The following FBXL13 variants were observed in gnomAD, a reference collection of about 807,000 sequenced individuals.
The protein encoded by FBXL13 is F-box and leucine rich repeat protein 13.
A neutral mutation model predicts 83.6 loss-of-function variants in FBXL13; 67 were observed. The observed-to-expected ratio is 0.80, with a 90% CI of 0.66 to 0.98. FBXL13 has a LOEUF of 0.98. Among genes scored for constraint, FBXL13 ranks in the 50% least tolerant of loss-of-function variants. The pLI, the probability that FBXL13 is intolerant of heterozygous loss-of-function variation, is 0.00. For synonymous variants in FBXL13, 272 were observed against 299.5 expected (o/e 0.91, Z 0.95); for missense variants, 822 against 866.5 (o/e 0.95, Z 0.64).
rs75538483 is a variant in FBXL13 at position 103,005,915 on chromosome 7, C to T, written c.495+19148G>A. Among the ~76,000 whole-genome samples the T allele has an allele frequency of 4.8e-3, 727 of 152,152 alleles. 6 individuals carry two copies. Among genetic ancestry groups the T allele is most frequent in the African/African-American group, 0.017 (687 of 41,514 alleles). ...CAGAAACTATTATGGCTAAAGTTGG[C>T]TACCATGCAAGTTCAGAAAACTATA... On this transcript the variant is annotated intron_variant, in intron 6 of 19. Transcript: ENST00000313221.
intron 17 of FBXL13, among the ~76,000 whole-genome samples, chr7:102,851,908 A>G (rs1805318770): frequency 1.3e-5 from 2 of 152,136 alleles, no homozygotes; most frequent in Non-Finnish European, 2.9e-5. Flanking sequence ...TGAGCACGTA[A>G]TCATTTATCC....
intron 11 of FBXL13, among the ~76,000 whole-genome samples, chr7:102,887,432 C>T (rs182448997): frequency 1.7e-3 from 264 of 152,188 alleles, no homozygotes; most frequent in African/African-American, 6.1e-3. Context: ...CACACACACA[C>T]ACACACAAAC....
chr7:102,847,780 C>T (rs1423772087), intron 17 of FBXL13, among the ~76,000 whole-genome samples: 13 of 152,086 alleles, frequency 8.5e-5, no homozygotes, highest in African/African-American at 3.1e-4. Context: ...CCACCCACCT[C>T]GGCCTCCCAA....
In FBXL13 at chr7:102,900,425, A is replaced by G. The variant is rs117649270; in HGVS notation, c.1008+12661T>C. ...TTGAGACCTTTTTTCTTGGTCACAT[A>G]TATTAACATATAACTTCCTAATACA... On this transcript the variant is annotated intron_variant, in intron 11 of 19. Transcript: ENST00000313221. Among the ~76,000 whole-genome samples the G allele has an allele frequency of 1.5e-3, 230 of 152,340 alleles. 7 individuals carry two copies. In the East Asian group the frequency reaches 0.041, roughly 27 times the overall value.
intron 16 of FBXL13, among the ~76,000 whole-genome samples, chr7:102,866,058 T>C (rs1028730154): frequency 6.6e-6 from 1 of 152,182 alleles, no homozygotes; most frequent in Non-Finnish European, 1.5e-5. Flanking sequence ...CTGACCTAAT[T>C]TATTGACCTA....
At chr7:103,048,278 C>T (rs1232752829) in intron 2 of FBXL13, among the ~76,000 whole-genome samples, 2 of 151,906 alleles carry the variant, frequency 1.3e-5, no homozygotes, top group Non-Finnish European at 2.9e-5. Flanking sequence ...TTCCAGGTCA[C>T]TGTAAGTCAC....
At chr7:102,867,695 A>ATATATTTTTTT (rs1239781180) in intron 16 of FBXL13, among the ~76,000 whole-genome samples, 1 of 49,078 alleles carries the variant, frequency 2.0e-5, no homozygotes, top group African/African-American at 1.2e-4. Context: ...ATATATATAT[A>ATATATTTTTTT]TTTTTTTTTT....
intron 2 of FBXL13, chr7:103,050,148 C>T (rs1796664566): frequency 6.6e-6 from 1 of 152,228 alleles, no homozygotes. Flanking sequence ...AGATTCACTA[C>T]AGCTTAAGAG....
intron 1 of FBXL13, among the ~76,000 whole-genome samples, chr7:103,072,344 A>C (rs1334314275): frequency 6.6e-6 from 1 of 152,172 alleles, no homozygotes; most frequent in Non-Finnish European, 1.5e-5. Flanking sequence ...GCTCCTTTGC[A>C]CTTCCTGCTA....
chr7:102,834,473 A>ATATATATATATATATATATG, intron 17 of FBXL13: 1 of 141,544 alleles, frequency 7.1e-6, no homozygotes, highest in African/African-American at 2.6e-5. Context: ...ATATATATAT[A>ATATATATATATATATATATG]TGTGATGTGG....
chr7:102,925,906 A>G (rs1818026282), intron 10 of FBXL13, among the ~76,000 whole-genome samples: 1 of 148,384 alleles, frequency 6.7e-6, no homozygotes, highest in Admixed American at 6.9e-5. Context: ...ATGCCACTGC[A>G]CTGCAGCCTG....
At chr7:103,019,241 T>C (rs886068021) in intron 6 of FBXL13, among the ~76,000 whole-genome samples, 5 of 152,064 alleles carry the variant, frequency 3.3e-5, no homozygotes, top group African/African-American at 9.7e-5. Context: ...CATAATGAAA[T>C]GAAGGCAGAA....
At chr7:102,840,838 T>C (rs1451694696) in intron 17 of FBXL13, among the ~76,000 whole-genome samples, 4 of 152,202 alleles carry the variant, frequency 2.6e-5, no homozygotes, top group Non-Finnish European at 5.9e-5. Flanking sequence ...ACTGTCTACC[T>C]ATCTCATAGG....
chr7:102,829,201 T>A (rs1260378652), intron 18 of FBXL13, among the ~76,000 whole-genome samples: 1 of 152,252 alleles, frequency 6.6e-6, no homozygotes, highest in Non-Finnish European at 1.5e-5. Context: ...GCAGCTTTCC[T>A]GAGCCTTGGG....
intron 16 of FBXL13, among the ~76,000 whole-genome samples, chr7:102,855,359 A>C (rs1805883361): frequency 6.6e-6 from 1 of 152,156 alleles, no homozygotes; most frequent in African/African-American, 2.4e-5. Context: ...ATAATCATTC[A>C]GTCATAGATC....
chr7:102,891,122 G>A (rs1016085495), intron 11 of FBXL13, among the ~76,000 whole-genome samples: 4 of 152,146 alleles, frequency 2.6e-5, no homozygotes, highest in Admixed American at 6.5e-5. Context: ...ACTGTGCTAC[G>A]AGGGTTTGAC....
chr7:102,928,227 T>C (rs1818502253), intron 9 of FBXL13, among the ~76,000 whole-genome samples: 1 of 152,184 alleles, frequency 6.6e-6, no homozygotes, highest in Non-Finnish European at 1.5e-5. Context: ...TAAAGAAGCT[T>C]GAACATCCAA....
intron 10 of FBXL13, 67 bp downstream of exon 11, chr7:102,926,207 C>T: frequency 7.2e-7 from 1 of 1,388,492 alleles, no homozygotes; most frequent in Non-Finnish European, 1.0e-6. Flanking sequence ...TTGCAGAATG[C>T]TAGAGCAAGC....
intron 16 of FBXL13, among the ~76,000 whole-genome samples, chr7:102,871,169 C>A (rs1213639390): frequency 6.6e-6 from 1 of 152,024 alleles, no homozygotes; most frequent in Non-Finnish European, 1.5e-5. Context: ...CCTTGAGGAT[C>A]TTGGCCACAT....
Sources: gnomAD v4.1 joint callset for allele counts (sites outside exome capture counted in the v4.1 genomes callset) on GRCh38, gnomAD v4.1.1 for gene constraint, MANE v1.5 for transcripts, NCBI Gene and HGNC (gene_info 2026-07-23, HGNC 2026-07-21) for gene names.